Variants in CAPN15 observed in about 807,000 individuals in gnomAD.
CAPN15 encodes the protein calpain 15, also known as calpain-15.
In CAPN15, 53 loss-of-function variants were observed where a neutral mutation model predicts 97.9. The ratio of observed to expected loss-of-function variants is 0.54; its 90% confidence interval spans 0.43 to 0.68. CAPN15 has a LOEUF of 0.68. CAPN15 is among the 30% of genes least tolerant of loss of function. CAPN15 has a pLI of 0.00. For synonymous variants in CAPN15, 922 were observed against 722.5 expected (o/e 1.28, Z -4.43); for missense variants, 1,592 against 1,589.8 (o/e 1.00, Z -0.02).
chr16:552,042 C>A lies in CAPN15; in HGVS notation c.2346-9C>A. On this transcript the variant is annotated splice_polypyrimidine_tract_variant and intron_variant, in intron 9 of 13. Coordinates refer to ENST00000219611, the MANE Select transcript of CAPN15 (RefSeq NM_005632.3). This position sits in a 1 kb window ranked among gnomAD's most constrained non-coding sequence, Gnocchi z 6.4. ...TAGGCTCAGGGCCCCGTCCTCCCGC[C>A]ACCTGCAGGTACTTCGACTCCGTGG... The A allele has an allele frequency of 6.5e-7, 1 of 1,547,574 alleles. No individual in the cohort carries two copies. Among genetic ancestry groups the A allele is most frequent in the South Asian group, 1.2e-5 (1 of 83,924 alleles).
intron 3 of CAPN15, chr16:540,077 G>C (rs933492307): frequency 1.7e-5 from 17 of 985,298 alleles, no homozygotes; most frequent in Non-Finnish European, 2.0e-5. Flanking sequence ...TTTTTGTTGT[G>C]TGTCACTCTG....
chr16:538,222 G>A (rs1164197397), intron 3 of CAPN15: 5 of 152,252 alleles, frequency 3.3e-5, no homozygotes, highest in South Asian at 2.1e-4. Flanking sequence ...GCCTGCAGGC[G>A]AGTGAGCCAG....
intron 1 of CAPN15, among the ~76,000 whole-genome samples, chr16:529,533 G>T (rs554774645): frequency 6.6e-6 from 1 of 152,324 alleles, no homozygotes; most frequent in African/African-American, 2.4e-5. Flanking sequence ...CAGTTCACAC[G>T]AGGCAATTGG....
At chr16:545,852 C>T (rs577507679) in intron 3 of CAPN15, among the ~76,000 whole-genome samples, 3 of 152,346 alleles carry the variant, frequency 2.0e-5, no homozygotes, top group Non-Finnish European at 2.9e-5. Flanking sequence ...CCAGGCCGGA[C>T]GCCTGGGCTG....
At position 549,306 on chromosome 16, in the gene CAPN15, G is replaced by T. The variant is rs1176553372; in HGVS notation, c.1677G>T (p.Ala559=). The T allele has an allele frequency of 1.9e-6, 3 of 1,591,254 alleles. No individual in the cohort carries two copies. The highest frequency in any genetic ancestry group is 2.7e-5 in the African/African-American group (2 of 74,680). Residue 559 remains alanine (A), a synonymous_variant, in exon 6 of 14, where the codon GCG becomes GCT. Transcript: ENST00000219611. ...LGNCWFLSAL[A]VLAERPDLVE... is the part of the protein sequence containing the mutation. ...TGCGCAGGTTCCTGAGCGCCCTGGC[G>T]GTGCTGGCGGAGCGGCCGGACCTGG...
intron 4 of CAPN15, among the ~76,000 whole-genome samples, chr16:548,751 C>T (rs1039393233): frequency 2.2e-4 from 34 of 152,370 alleles, no homozygotes; most frequent in Admixed American, 1.2e-3. Flanking sequence ...CTGGGGGCTG[C>T]GCTGTCCCCC....
At position 552,624 on chromosome 16, in the gene CAPN15, G is replaced by C. The variant is rs1187398823; in HGVS notation, c.2757G>C (p.Gly919=). Residue 919 remains glycine (G), a synonymous_variant, in exon 12 of 14, where the codon GGG becomes GGC. Transcript: ENST00000219611. This position sits in a 1 kb window ranked among gnomAD's most constrained non-coding sequence, Gnocchi z 6.4. ...TTGTAGCCTCCAGCCCCTCGGCAGG[G>C]GTCCCGAGAGCCTCCCCAGAGCCGC... is the stretch of plus-strand genomic sequence containing the variant. ...PAPQASSPSA[G]VPRASPEPPG... 1.3e-6 allele frequency: 2 copies of C among 1,536,666 alleles called. No homozygotes were observed. Among genetic ancestry groups the C allele is most frequent in the Non-Finnish European group, 1.7e-6 (2 of 1,143,128 alleles).
Position 554,425 on chromosome 16 carries a change from C to A in CAPN15, c.*909C>A. On this transcript the variant is annotated 3_prime_UTR_variant, in exon 14 of 14. Coordinates refer to ENST00000219611, the MANE Select transcript of CAPN15 (RefSeq NM_005632.3). ...CCCCTCCTACCCCGGCAGGGGCTTCCGGGGCCTTTTCACCTGGAGAAACAT... is the reference window on the plus strand; with the variant it reads ...CCCCTCCTACCCCGGCAGGGGCTTCAGGGGCCTTTTCACCTGGAGAAACAT... 1 of 441,548 alleles carries A rather than the reference C, an allele frequency of 2.3e-6. No homozygotes were observed. The highest frequency in any genetic ancestry group is 1.6e-5 in the South Asian group (1 of 62,942). 27.4% of individuals were successfully genotyped at this position (441,548 alleles called of 1,614,324 possible).
Position 528,019 on chromosome 16 carries a change from G to A in CAPN15, c.-200G>A, listed in dbSNP as rs2032971278. ...GCCGCGAGGACGAGGCGGCGCCGCCGGGCTGTGGAGGTGAGTCCCGTCGGC... is the reference window on the plus strand; with the variant it reads ...GCCGCGAGGACGAGGCGGCGCCGCCAGGCTGTGGAGGTGAGTCCCGTCGGC... On this transcript the variant is annotated 5_prime_UTR_variant, in exon 1 of 14. Transcript: ENST00000219611. 1 of 144,644 alleles carries A rather than the reference G, an allele frequency of 6.9e-6. No homozygotes were observed. The highest frequency in any genetic ancestry group is 6.8e-5 in the Admixed American group (1 of 14,682). 9.0% of individuals were successfully genotyped at this position (144,644 alleles called of 1,614,324 possible).
At chr16:531,273 G>A (rs1012321284) in intron 1 of CAPN15, among the ~76,000 whole-genome samples, 3 of 152,094 alleles carry the variant, frequency 2.0e-5, no homozygotes, top group Non-Finnish European at 4.4e-5. Flanking sequence ...ATCATAGCTC[G>A]CTGCAGCCTC....
In CAPN15 at chr16:554,492, A is replaced by G; in HGVS notation, c.*976A>G. On this transcript the variant is annotated 3_prime_UTR_variant, in exon 14 of 14. Transcript: ENST00000219611. ...CCTCCCTGTACTCTGAGCTGTGAAT[A>G]TTTTTAACCCTGTAAATACGGCCAG... 21 of 455,446 alleles carry G rather than the reference A, an allele frequency of 4.6e-5. 1 individual carries two copies. Among genetic ancestry groups the G allele is most frequent in the South Asian group, 3.3e-4 (21 of 64,526 alleles). The allele number at this position is 455,446 out of a possible 1,614,324, so 28.2% of individuals were successfully genotyped here. A position where few individuals can be genotyped will look rare whatever the true frequency, so the allele number is the denominator to read the frequency against.
chr16:550,765 C>T (rs2034955162), intron 7 of CAPN15, among the ~76,000 whole-genome samples: 1 of 119,382 alleles, frequency 8.4e-6, no homozygotes, highest in Non-Finnish European at 1.7e-5. Context: ...TGAGGGTCCC[C>T]TGCCGGTGAG....
At position 553,486 on chromosome 16, in the gene CAPN15, C is replaced by G; in HGVS notation, c.3231C>G (p.Val1077=). 1 of 1,610,298 alleles carries G rather than the reference C, an allele frequency of 6.2e-7. No individual in the cohort carries two copies. Among genetic ancestry groups the G allele is most frequent in the Non-Finnish European group, 8.5e-7 (1 of 1,178,696 alleles). ...GTHSPPLTPE[V]AGLHGPRPL is the part of the protein sequence containing the mutation. The stretch of plus-strand genomic sequence containing the variant: ...ACAGCCCCCCACTCACGCCAGAGGT[C>G]GCCGGTCTGCATGGGCCCCGACCGC... The change falls in exon 14 of 14, where the codon GTC becomes GTG. Residue 1077 remains valine (V), a synonymous_variant. Transcript: ENST00000219611.
chr16:551,532 C>T lies in CAPN15; in HGVS notation c.2213C>T (p.Pro738Leu), dbSNP rs754325860. The T allele has an allele frequency of 1.4e-5, 23 of 1,611,012 alleles. No individual in the cohort carries two copies. Among genetic ancestry groups the T allele is most frequent in the Non-Finnish European group, 1.9e-5 (22 of 1,178,624 alleles). Residue 738 changes from proline (P) to leucine (L), a missense_variant, in exon 9 of 14, where the codon CCG (proline) becomes CTG (leucine). Physicochemically the swap from Pro to Leu is moderately conservative, Grantham distance 98. Transcript: ENST00000219611. ...TGCAGGCTTCTGCGGCTCCGAAACC[C>T]GTGGGGCCGTTTCTCCTGGAACGGC... Reference protein sequence around the residue: ...QGTRLLRLRNPWGRFSWNGSW... With the variant: ...QGTRLLRLRNLWGRFSWNGSW...
intron 7 of CAPN15, among the ~76,000 whole-genome samples, 181 bp from the exon 8 acceptor site, chr16:551,121 G>GC (rs539370601): frequency 5.5e-4 from 28 of 51,162 alleles, no homozygotes; most frequent in Non-Finnish European, 6.8e-4. Context: ...GTCGGTGAGG[G>GC]CCCCTGTTGG....
At chr16:530,872 G>A (rs1225786140) in intron 1 of CAPN15, among the ~76,000 whole-genome samples, 1 of 152,218 alleles carries the variant, frequency 6.6e-6, no homozygotes, top group Non-Finnish European at 1.5e-5. Flanking sequence ...CAGTGTGGCC[G>A]CCCTCCCCAG....
intron 2 of CAPN15, among the ~76,000 whole-genome samples, chr16:534,844 G>T (rs895592901): frequency 6.6e-6 from 1 of 152,200 alleles, no homozygotes; most frequent in East Asian, 1.9e-4. Flanking sequence ...GGGCATCCTT[G>T]TTGGGGTCGC....
chr16:531,394 G>A (rs2033240022), intron 1 of CAPN15, among the ~76,000 whole-genome samples: 1 of 151,982 alleles, frequency 6.6e-6, no homozygotes, highest in African/African-American at 2.4e-5. Context: ...CCCCCAGGCA[G>A]GTTGAACCTC....
At position 546,822 on chromosome 16, in the gene CAPN15, C is replaced by T; in HGVS notation, c.-17C>T. On this transcript the variant is annotated 5_prime_UTR_variant, in exon 4 of 14. Transcript: ENST00000219611. ...ATGAGCACCTTCCCTTGCAGCCACA[C>T]CCACTCGCCCGGGTCTATGGCCACG... is the stretch of plus-strand genomic sequence containing the variant. 7 of 1,584,452 alleles carry T rather than the reference C, an allele frequency of 4.4e-6. No homozygotes were observed. Among genetic ancestry groups the T allele is most frequent in the Non-Finnish European group, 6.0e-6 (7 of 1,162,692 alleles).
Sources: allele counts gnomAD v4.1 joint callset (sites outside exome capture counted in the v4.1 genomes callset), GRCh38; gene constraint gnomAD v4.1.1; non-coding constraint Gnocchi (gnomAD v3.1); transcripts MANE v1.5; gene names NCBI Gene and HGNC (gene_info 2026-07-23, HGNC 2026-07-21).